Variants in NIPAL3 observed in about 807,000 individuals in gnomAD.
NIPAL3 encodes the protein NIPA like domain containing 3.
A neutral mutation model predicts 47.2 loss-of-function variants in NIPAL3; 41 were observed. That is an observed-to-expected ratio of 0.87 (90% CI 0.68 to 1.13). The LOEUF (loss-of-function observed/expected upper bound fraction) is 1.13, where lower values mean the gene tolerates loss of function less well. Among genes scored for constraint, NIPAL3 ranks in the 50% most tolerant of loss-of-function variants. NIPAL3 has a pLI of 0.00. For synonymous variants in NIPAL3, 194 were observed against 209.6 expected (o/e 0.93, Z 0.64); for missense variants, 449 against 530.1 (o/e 0.85, Z 1.50).
intron 5 of NIPAL3, among the ~76,000 whole-genome samples, chr1:24,447,976 G>T (rs900573239): frequency 1.3e-5 from 2 of 152,220 alleles, no homozygotes; most frequent in South Asian, 4.1e-4. Context: ...ACCTGTGTTG[G>T]ACGCTGCAGG....
At chr1:24,444,492 A>C (rs1645560623) in intron 4 of NIPAL3, among the ~76,000 whole-genome samples, 1 of 152,224 alleles carries the variant, frequency 6.6e-6, no homozygotes. Flanking sequence ...ATATTTAACA[A>C]AATATTTAAC....
Position 24,451,001 on chromosome 1 carries a change from G to T in NIPAL3, c.540+1375G>T, listed in dbSNP as rs1047118337. On this transcript the variant is annotated intron_variant, in intron 6 of 11. Transcript: ENST00000374399. This position sits in a 1 kb window ranked among gnomAD's most constrained non-coding sequence, Gnocchi z 4.5. ...TACCCCAGAACAGGCCTTTCACTCA[G>T]AGGATTGAAGCCCAAGACTTCCTAA... Among the ~76,000 whole-genome samples, 2 of 152,256 alleles carry T rather than the reference G, an allele frequency of 1.3e-5. No individual in the cohort carries two copies. The highest frequency in any genetic ancestry group is 2.9e-5 in the Non-Finnish European group (2 of 68,042).
chr1:24,419,197 G>A (rs1374244673), intron 1 of NIPAL3, 94 bp from the exon 2 acceptor site: 8 of 604,918 alleles, frequency 1.3e-5, no homozygotes, highest in East Asian at 2.3e-4. Flanking sequence ...GGCCGGTTAC[G>A]TTTTATCTGA....
At chr1:24,426,426 C>T (rs537893602) in intron 2 of NIPAL3, among the ~76,000 whole-genome samples, 115 of 152,216 alleles carry the variant, frequency 7.6e-4, no homozygotes, top group African/African-American at 2.7e-3. Flanking sequence ...TCCCGGGTAG[C>T]TGGGATTACA....
chr1:24,436,100 C>T (rs901701274), intron 2 of NIPAL3, among the ~76,000 whole-genome samples: 1 of 152,144 alleles, frequency 6.6e-6, no homozygotes, highest in African/African-American at 2.4e-5. Context: ...AAGGCACCAC[C>T]TCCTAATACC....
intron 2 of NIPAL3, among the ~76,000 whole-genome samples, chr1:24,429,003 A>G (rs974511706): frequency 2.0e-5 from 3 of 152,210 alleles, no homozygotes; most frequent in Non-Finnish European, 4.4e-5. Context: ...TCGTGGATTT[A>G]GTCAACCACT....
chr1:24,466,190 C>G (rs767289968), intron 11 of NIPAL3: 1 of 1,178,954 alleles, frequency 8.5e-7, no homozygotes, highest in Non-Finnish European at 1.2e-6. Context: ...TTGGCCCTTT[C>G]CTGTGGAACA....
Position 24,416,019 on chromosome 1 carries a change from C to A in NIPAL3, c.-258+115C>A, listed in dbSNP as rs1339204712. ...TGTACATACCCTTCCTTCTTACTGTCACCAGCCTCGCCAACCTGGGTCCCG... is the reference window on the plus strand; with the variant it reads ...TGTACATACCCTTCCTTCTTACTGTAACCAGCCTCGCCAACCTGGGTCCCG... On this transcript the variant is annotated intron_variant, in intron 1 of 11. Transcript: ENST00000374399. The surrounding 1 kb of genome is among the most constrained non-coding windows in gnomAD (Gnocchi z 4.8). The A allele has an allele frequency of 3.0e-6, 3 of 985,514 alleles. No homozygotes were observed. In the East Asian group the frequency reaches 3.4e-4, roughly 112 times the overall value. 61.0% of individuals were successfully genotyped at this position (985,514 alleles called of 1,614,324 possible).
At chr1:24,442,264 C>CCCAG (rs1645432476) in intron 4 of NIPAL3, 38 bp downstream of exon 4, 1 of 1,598,050 alleles carries the variant, frequency 6.3e-7, no homozygotes, top group Admixed American at 1.7e-5. Flanking sequence ...CTGGGGTGCT[C>CCCAG]CCAGCTGCGT....
chr1:24,437,112 C>T (rs1418639111), intron 2 of NIPAL3, among the ~76,000 whole-genome samples: 5 of 151,822 alleles, frequency 3.3e-5, no homozygotes, highest in Admixed American at 6.6e-5. Flanking sequence ...AATAGCCGGG[C>T]GAGGTGGCGG....
At chr1:24,437,115 G>A (rs903017141) in intron 2 of NIPAL3, among the ~76,000 whole-genome samples, 11 of 152,004 alleles carry the variant, frequency 7.2e-5, no homozygotes, top group Non-Finnish European at 1.0e-4. Context: ...AGCCGGGCGA[G>A]GTGGCGGGCG....
chr1:24,444,537 G>GTAT (rs1645564622), intron 4 of NIPAL3, among the ~76,000 whole-genome samples: 1 of 152,184 alleles, frequency 6.6e-6, no homozygotes. Flanking sequence ...ATCTAACACC[G>GTAT]TATTTCATAG....
intron 2 of NIPAL3, among the ~76,000 whole-genome samples, chr1:24,426,664 C>T (rs146201895): frequency 3.9e-5 from 6 of 152,266 alleles, no homozygotes; most frequent in Non-Finnish European, 7.4e-5. Flanking sequence ...CCCTGACAGT[C>T]GCTTATTCCG....
intron 8 of NIPAL3, among the ~76,000 whole-genome samples, chr1:24,457,496 A>G (rs1447765541): frequency 6.6e-6 from 1 of 152,240 alleles, no homozygotes; most frequent in African/African-American, 2.4e-5. Context: ...CAGGCACCAT[A>G]GGAGCAGCTG....
chr1:24,438,556 G>A (rs1233860569), intron 2 of NIPAL3, among the ~76,000 whole-genome samples: 1 of 152,260 alleles, frequency 6.6e-6, no homozygotes, highest in Non-Finnish European at 1.5e-5. Context: ...GCAGGGGGGA[G>A]GGTTGACTTC....
At position 24,449,091 on chromosome 1, in the gene NIPAL3, A is replaced by G. The variant is rs539540950; in HGVS notation, c.395-390A>G. 3.7e-4 allele frequency among the ~76,000 whole-genome samples: 56 copies of G among 152,364 alleles called. No homozygotes were observed. The highest frequency in any genetic ancestry group is 6.8e-3 in the Middle Eastern group (2 of 294). On this transcript the variant is annotated intron_variant, in intron 5 of 11. Coordinates refer to ENST00000374399, the MANE Select transcript of NIPAL3 (RefSeq NM_020448.5). This position sits in a 1 kb window ranked among gnomAD's most constrained non-coding sequence, Gnocchi z 4.5. ...ATAAAGCACAAAGCTAGGCAAAGCC[A>G]TCAGTGCTGTTACAGGTCAAGATAG...
At chr1:24,465,965 C>A in intron 11 of NIPAL3, 1 of 1,583,782 alleles carries the variant, frequency 6.3e-7, no homozygotes, top group Non-Finnish European at 8.6e-7. Context: ...CACTTGGTTT[C>A]CCTGGTCAGC....
At chr1:24,439,000 G>GT (rs1175169050) in intron 2 of NIPAL3, among the ~76,000 whole-genome samples, 4 of 151,638 alleles carry the variant, frequency 2.6e-5, no homozygotes, top group South Asian at 2.1e-4. Flanking sequence ...TCACAGCATT[G>GT]TTTTTTTAAA....
intron 4 of NIPAL3, among the ~76,000 whole-genome samples, chr1:24,443,187 G>A (rs1050292855): frequency 1.3e-5 from 2 of 152,020 alleles, no homozygotes; most frequent in African/African-American, 4.8e-5. Flanking sequence ...TAAAAGACAA[G>A]GGAGCTTTAA....
Sources: gnomAD v4.1 joint callset for allele counts (sites outside exome capture counted in the v4.1 genomes callset) on GRCh38, gnomAD v4.1.1 for gene constraint, Gnocchi (gnomAD v3.1) non-coding constraint, MANE v1.5 for transcripts, NCBI Gene and HGNC (gene_info 2026-07-23, HGNC 2026-07-21) for gene names.